Variants in COMMD1 observed in about 807,000 individuals in gnomAD.
The protein encoded by COMMD1 is copper metabolism domain containing 1.
COMMD1 carries 10 observed loss-of-function variants against 17.2 expected under a neutral mutation model. That is an observed-to-expected ratio of 0.58 (90% CI 0.36 to 0.99). The LOEUF (loss-of-function observed/expected upper bound fraction) is 0.99, where lower values mean the gene tolerates loss of function less well. COMMD1 is among the 50% of genes least tolerant of loss of function. The pLI is 0.01. For synonymous variants in COMMD1, 97 were observed against 91.6 expected (o/e 1.06, Z -0.34); for missense variants, 270 against 231.8 (o/e 1.17, Z -1.07).
intron 1 of COMMD1, among the ~76,000 whole-genome samples, chr2:61,912,318 C>G (rs1002430384): frequency 9.2e-5 from 14 of 152,236 alleles, no homozygotes; most frequent in Non-Finnish European, 1.8e-4. Context: ...AAAAGATTGG[C>G]ATAGAGAGAA....
intron 2 of COMMD1, among the ~76,000 whole-genome samples, chr2:62,040,714 C>G (rs936402037): frequency 1.3e-5 from 2 of 152,074 alleles, no homozygotes; most frequent in Admixed American, 1.3e-4. Context: ...CCCCTTCCCC[C>G]CTCCCTTTTA....
intron 2 of COMMD1, among the ~76,000 whole-genome samples, chr2:62,113,057 A>C (rs1310180389): frequency 6.6e-6 from 1 of 152,194 alleles, no homozygotes; most frequent in Non-Finnish European, 1.5e-5. Context: ...GATGTCTACA[A>C]AAGCATATAT....
At chr2:61,954,672 A>ACT (rs199801139) in intron 1 of COMMD1, among the ~76,000 whole-genome samples, 9 of 147,002 alleles carry the variant, frequency 6.1e-5, no homozygotes, top group South Asian at 2.1e-4. Flanking sequence ...ATTATGCTTC[A>ACT]CTCTCTCTCT....
At chr2:62,130,729 A>G (rs1673007690) in intron 2 of COMMD1, among the ~76,000 whole-genome samples, 1 of 152,194 alleles carries the variant, frequency 6.6e-6, no homozygotes, top group East Asian at 1.9e-4. Flanking sequence ...TTTATTTTCT[A>G]GTTTAAGCAT....
At chr2:61,890,343 C>T (rs566382489) in intron 1 of COMMD1, among the ~76,000 whole-genome samples, 47 of 152,290 alleles carry the variant, frequency 3.1e-4, no homozygotes, top group African/African-American at 1.1e-3. Flanking sequence ...CCTCAGCCTC[C>T]CCAGTAGCTG....
intron 1 of COMMD1, among the ~76,000 whole-genome samples, chr2:61,954,974 C>T (rs1671159689): frequency 6.6e-6 from 1 of 152,122 alleles, no homozygotes; most frequent in South Asian, 2.1e-4. Flanking sequence ...CATGCCCAGC[C>T]TGATAAAGGA....
intron 1 of COMMD1, among the ~76,000 whole-genome samples, chr2:61,956,349 A>G (rs1671198428): frequency 6.6e-6 from 1 of 152,216 alleles, no homozygotes; most frequent in Admixed American, 6.5e-5. Context: ...TATCACATAT[A>G]GTAGATAGAA....
chr2:62,091,126 G>A (rs1483453603), intron 2 of COMMD1, among the ~76,000 whole-genome samples: 2 of 152,194 alleles, frequency 1.3e-5, no homozygotes, highest in East Asian at 1.9e-4. Context: ...ATGAGCCCGT[G>A]TTGGGTAAGA....
intron 2 of COMMD1, among the ~76,000 whole-genome samples, chr2:62,121,539 AC>A (rs1672746702): frequency 6.6e-6 from 1 of 151,630 alleles, no homozygotes; most frequent in Admixed American, 6.6e-5. Flanking sequence ...GGAGTTCGAG[AC>A]CAGCCTGGAC....
chr2:62,110,894 GA>G (rs1473644839), intron 2 of COMMD1, among the ~76,000 whole-genome samples: 5 of 152,214 alleles, frequency 3.3e-5, no homozygotes, highest in African/African-American at 9.6e-5. Context: ...CTTTAGGGTA[GA>G]TCTCAAAGGG....
chr2:62,058,617 T>G (rs1286267866), intron 2 of COMMD1, among the ~76,000 whole-genome samples: 1 of 151,982 alleles, frequency 6.6e-6, no homozygotes, highest in East Asian at 1.9e-4. Flanking sequence ...TGCACTCGTG[T>G]GGTCCCAGCT....
chr2:62,104,537 G>C (rs1330232372), intron 2 of COMMD1, among the ~76,000 whole-genome samples: 1 of 150,490 alleles, frequency 6.6e-6, no homozygotes, highest in African/African-American at 2.5e-5. Context: ...GGGAAGCTGA[G>C]GCAGGAGAAT....
intron 2 of COMMD1, among the ~76,000 whole-genome samples, chr2:62,068,378 A>G (rs1228591560): frequency 2.0e-5 from 3 of 152,230 alleles, no homozygotes; most frequent in Admixed American, 6.5e-5. Context: ...GCAGAACAAA[A>G]TAAGAAAGCA....
At chr2:61,913,537 TAAATTAGCTCTACTAAA>T (rs1392135860) in intron 1 of COMMD1, among the ~76,000 whole-genome samples, 2 of 150,940 alleles carry the variant, frequency 1.3e-5, no homozygotes, top group Non-Finnish European at 3.0e-5. Flanking sequence ...TTGGCTCTAC[TAAATTAGCTCTACTAAA>T]AAATTAGCTC....
At chr2:61,987,713 A>C (rs1377695170) in intron 1 of COMMD1, among the ~76,000 whole-genome samples, 1 of 152,110 alleles carries the variant, frequency 6.6e-6, no homozygotes, top group Non-Finnish European at 1.5e-5. Context: ...AGGACTCTAC[A>C]ATCAGCAGAT....
intron 2 of COMMD1, among the ~76,000 whole-genome samples, chr2:62,061,745 C>A (rs1361355238): frequency 6.6e-6 from 1 of 151,594 alleles, no homozygotes; most frequent in Non-Finnish European, 1.5e-5. Context: ...TCAGTAGACA[C>A]AGGGTTTCAC....
At chr2:62,084,143 A>G (rs1360057266) in intron 2 of COMMD1, among the ~76,000 whole-genome samples, 1 of 152,170 alleles carries the variant, frequency 6.6e-6, no homozygotes, top group African/African-American at 2.4e-5. Flanking sequence ...GGCTTACACA[A>G]TGACTTCTCA....
intron 1 of COMMD1, among the ~76,000 whole-genome samples, chr2:61,973,552 C>G (rs1671707597): frequency 6.6e-6 from 1 of 151,978 alleles, no homozygotes; most frequent in Non-Finnish European, 1.5e-5. Context: ...TGTGAATTGT[C>G]TGTTCATATT....
chr2:61,989,835 T>C (rs1341006563), intron 1 of COMMD1, among the ~76,000 whole-genome samples: 1 of 152,202 alleles, frequency 6.6e-6, no homozygotes, highest in East Asian at 1.9e-4. Context: ...GCGCCTACTG[T>C]GTTCCAGTTT....
Sources: gnomAD v4.1 joint callset for allele counts (sites outside exome capture counted in the v4.1 genomes callset) on GRCh38, gnomAD v4.1.1 for gene constraint, MANE v1.5 for transcripts, NCBI Gene and HGNC (gene_info 2026-07-23, HGNC 2026-07-21) for gene names.